The following IL24 variants were observed in gnomAD, a reference collection of about 807,000 sequenced individuals.
IL24 encodes the protein interleukin 24.
A neutral mutation model predicts 27.6 loss-of-function variants in IL24; 24 were observed. That is an observed-to-expected ratio of 0.87 (90% CI 0.63 to 1.22). IL24 has a LOEUF of 1.22. IL24 is among the 50% of genes most tolerant of loss of function. The probability of loss-of-function intolerance (pLI) is 0.00; values close to 1 mark genes in which losing one functional copy is unlikely to be tolerated. For missense variants in IL24, 240 were observed against 237.0 expected, an observed-to-expected ratio of 1.01 and a Z score of -0.08; for synonymous variants, 99 against 93.1, an observed-to-expected ratio of 1.06 and a Z score of -0.36.
At chr1:206,902,768 T>C (rs867167529) in intron 6 of IL24, 34 of 985,260 alleles carry the variant, frequency 3.5e-5, no homozygotes, top group Middle Eastern at 5.2e-4. Flanking sequence ...TCCACTGATA[T>C]TCACTAGCCT....
intron 2 of IL24, 148 bp from the exon 3 acceptor site, chr1:206,899,172 A>G: frequency 1.3e-6 from 1 of 783,522 alleles, no homozygotes; most frequent in Non-Finnish European, 2.0e-6. Context: ...ACTGCACCTT[A>G]GCAAGGCTGC....
intron 2 of IL24, among the ~76,000 whole-genome samples, chr1:206,899,104 A>G (rs978589028): frequency 6.6e-6 from 1 of 152,228 alleles, no homozygotes; most frequent in Non-Finnish European, 1.5e-5. Flanking sequence ...GCAGGTGGAC[A>G]GATGGCAAGA....
rs545446632 is a variant in IL24 at position 206,902,412 on chromosome 1, C to G, written c.537+340C>G. ...GGAGACACCCCACCCCCACCCCCAC[C>G]CCATACACATCTGCAGTATTTTCCA... On this transcript the variant is annotated intron_variant, in intron 6 of 6. Transcript: ENST00000294984. 4 of 550,494 alleles carry G rather than the reference C, an allele frequency of 7.3e-6. No individual in the cohort carries two copies. In the East Asian group the frequency reaches 5.1e-4, roughly 70 times the overall value. The allele number at this position is 550,494 out of a possible 1,614,324, so 34.1% of individuals were successfully genotyped here.
intron 4 of IL24, 98 bp downstream of exon 4, chr1:206,900,455 T>G (rs1365972737): frequency 9.2e-7 from 1 of 1,090,058 alleles, no homozygotes; most frequent in African/African-American, 1.5e-5. Flanking sequence ...GCCCTTCACT[T>G]CTTCCCTGGA....
chr1:206,897,540 CCTGT>C lies in IL24; in HGVS notation c.-175_-172del, dbSNP rs1572602332. 2.0e-5 allele frequency: 5 copies of C among 256,082 alleles called. No individual in the cohort carries two copies. In the East Asian group the frequency reaches 4.1e-4, roughly 21 times the overall value. 15.9% of individuals were successfully genotyped at this position (256,082 alleles called of 1,614,324 possible). On this transcript the variant is annotated 5_prime_UTR_variant, in exon 1 of 7. The change abolishes the stop of an existing upstream ORF in the 5' untranslated region. Coordinates refer to ENST00000294984, the MANE Select transcript of IL24 (RefSeq NM_006850.3). ...CTCTGATTGGTGAATGGTGAAGGTG[CCTGT>C]CTAACTTTTCTGTAAAAAGAACCAG...
intron 6 of IL24, 200 bp from the exon 7 acceptor site, chr1:206,902,775 GC>G: frequency 1.0e-6 from 1 of 985,368 alleles, no homozygotes; most frequent in South Asian, 4.7e-5. Flanking sequence ...ATATTCACTA[GC>G]CTGTTTGTCC....
At position 206,897,894 on chromosome 1, in the gene IL24, T is replaced by G; in HGVS notation, c.44+18T>G. 6.4e-7 allele frequency: 1 copy of G among 1,565,556 alleles called. No individual in the cohort carries two copies. Among genetic ancestry groups the G allele is most frequent in the East Asian group, 2.3e-5 (1 of 44,042 alleles). ...TTAGCCAGGTGCGGTGGCTCACACC[T>G]GTAATCCCAGAACTTTGGGAGGCTG... On this transcript the variant is annotated intron_variant, in intron 2 of 6. Coordinates refer to ENST00000294984, the MANE Select transcript of IL24 (RefSeq NM_006850.3).
chr1:206,901,462 C>A (rs759364441), intron 4 of IL24, 32 bp from the exon 5 acceptor site: 1 of 1,590,940 alleles, frequency 6.3e-7, no homozygotes, highest in Non-Finnish European at 8.6e-7. Flanking sequence ...GGGCAGAGGC[C>A]TTGGCTCAGC....
chr1:206,903,158 C>A lies in IL24; in HGVS notation c.*99C>A, dbSNP rs1678466740. Reference sequence around the variant, plus strand: ...ATGCTGTTCACTGGACACTTCACGCCCTTGGCCATGGGTCCCATTCTTGGC... The same window carrying A: ...ATGCTGTTCACTGGACACTTCACGCACTTGGCCATGGGTCCCATTCTTGGC... On this transcript the variant is annotated 3_prime_UTR_variant, in exon 7 of 7. Transcript: ENST00000294984. The A allele has an allele frequency of 1.9e-6, 2 of 1,028,986 alleles. No homozygotes were observed. The highest frequency in any genetic ancestry group is 1.3e-5 in the South Asian group (1 of 76,022). The allele number at this position is 1,028,986 out of a possible 1,614,324, so 63.7% of individuals were successfully genotyped here.
chr1:206,897,615 G>A lies in IL24; in HGVS notation c.-103G>A. On this transcript the variant is annotated splice_region_variant and 5_prime_UTR_variant, in exon 1 of 7. Coordinates refer to ENST00000294984, the MANE Select transcript of IL24 (RefSeq NM_006850.3). ...CTCAAGCATCACTTACAGGACCAGA[G>A]GTGAGCATGGGGGATTCTTGGTTAC... The A allele has an allele frequency of 2.3e-6, 1 of 428,366 alleles. No individual in the cohort carries two copies. Among genetic ancestry groups the A allele is most frequent in the Non-Finnish European group, 4.2e-6 (1 of 238,196 alleles). 26.5% of individuals were successfully genotyped at this position (428,366 alleles called of 1,614,324 possible). A position where few individuals can be genotyped will look rare whatever the true frequency, so the allele number is the denominator to read the frequency against.
rs925825321 is a variant in IL24, at chr1:206,897,605, C to T, written c.-113C>T. On this transcript the variant is annotated 5_prime_UTR_variant, in exon 1 of 7. Transcript: ENST00000294984. ...GCAGCCAGCCCTCAAGCATCACTTA[C>T]AGGACCAGAGGTGAGCATGGGGGAT... The T allele has an allele frequency of 8.2e-6, 3 of 366,466 alleles. No individual in the cohort carries two copies. Among genetic ancestry groups the T allele is most frequent in the Non-Finnish European group, 1.5e-5 (3 of 203,568 alleles). 22.7% of individuals were successfully genotyped at this position (366,466 alleles called of 1,614,324 possible).
Position 206,899,322 on chromosome 1 carries a change from C to T in IL24, c.47C>T (p.Pro16Leu), listed in dbSNP as rs201683011. 2.4e-5 allele frequency: 38 copies of T among 1,613,144 alleles called. No individual in the cohort carries two copies. The highest frequency in any genetic ancestry group is 1.1e-5 in the South Asian group (1 of 90,954). Reference protein sequence around the residue: ...RLQSLWTLARPFCPPLLATAS... With the variant: ...RLQSLWTLARLFCPPLLATAS... Reference sequence around the variant, plus strand: ...GCTGCCTCCCTTTCTTTCAGCAGACCCTTCTGCCCTCCTTTGCTGGCGACA... The same window carrying T: ...GCTGCCTCCCTTTCTTTCAGCAGACTCTTCTGCCCTCCTTTGCTGGCGACA... Residue 16 changes from proline (P) to leucine (L), a missense_variant and splice_region_variant, in exon 3 of 7, where the codon CCC becomes CTC. By Grantham distance (98) the Pro-to-Leu change is moderately conservative. Transcript: ENST00000294984.
chr1:206,897,730 G>C lies in IL24; in HGVS notation c.-102-1G>C, dbSNP rs1366235116. 2 of 1,226,206 alleles carry C rather than the reference G, an allele frequency of 1.6e-6. No homozygotes were observed. The highest frequency in any genetic ancestry group is 2.4e-6 in the Non-Finnish European group (2 of 845,542). 76.0% of individuals were successfully genotyped at this position (1,226,206 alleles called of 1,614,324 possible). A position where few individuals can be genotyped will look rare whatever the true frequency, so the allele number is the denominator to read the frequency against. ...GTCAATTTTTTTGAGTGTTGATGTAGGGACAAGACATGACTGTGATGAGGA... is the reference window on the plus strand; with the variant it reads ...GTCAATTTTTTTGAGTGTTGATGTACGGACAAGACATGACTGTGATGAGGA... On this transcript the variant is annotated splice_acceptor_variant, in intron 1 of 6. Coordinates refer to ENST00000294984, the MANE Select transcript of IL24 (RefSeq NM_006850.3). LOFTEE classifies it low-confidence loss of function (5UTR_SPLICE).
chr1:206,900,155 G>A, intron 3 of IL24, 140 bp from the exon 4 acceptor site: 1 of 756,952 alleles, frequency 1.3e-6, no homozygotes, highest in Non-Finnish European at 2.2e-6. Flanking sequence ...GTCCTTCCTG[G>A]GTCCTCTTTT....
intron 4 of IL24, among the ~76,000 whole-genome samples, chr1:206,901,098 T>A (rs1678357715): frequency 6.6e-6 from 1 of 152,232 alleles, no homozygotes; most frequent in African/African-American, 2.4e-5. Context: ...CTCAGTCATT[T>A]TCCAGCAAAC....
At chr1:206,902,951 A>G (rs141094486) in intron 6 of IL24, 25 bp from the exon 7 acceptor site, 39 of 1,614,152 alleles carry the variant, frequency 2.4e-5, no homozygotes, top group Non-Finnish European at 3.3e-5. Flanking sequence ...AACATGGCTG[A>G]CCTTCAACCC....
chr1:206,901,662 A>C lies in IL24; in HGVS notation c.462+10A>C, dbSNP rs756659803. The stretch of plus-strand genomic sequence containing the variant: ...ACAACTGCAACCCAGTGTGAGTAGC[A>C]CACGCTCTGGATACTGGCAGCTCTG... On this transcript the variant is annotated intron_variant, in intron 5 of 6. Transcript: ENST00000294984. 1.9e-6 allele frequency: 3 copies of C among 1,611,132 alleles called. No individual in the cohort carries two copies. The highest frequency in any genetic ancestry group is 1.7e-5 in the Admixed American group (1 of 59,910).
Position 206,899,423 on chromosome 1 carries a change from C to T in IL24, c.148C>T (p.Gln50Ter). 6.2e-7 allele frequency: 1 copy of T among 1,614,194 alleles called. No homozygotes were observed. Among genetic ancestry groups the T allele is most frequent in the Non-Finnish European group, 8.5e-7 (1 of 1,180,016 alleles). The change falls in exon 3 of 7, where the codon CAG becomes TAG. Residue 50 changes from glutamine (Q) to a stop codon, truncating the protein, a stop_gained. Transcript: ENST00000294984. LOFTEE classifies it high-confidence loss of function. ...LLLWSQVSGA[Q>*]GQEFHFGPCQ... ...TCTCTGGAGCCAGGTATCAGGGGCCCAGGGCCAAGAATTCCACTTTGGGCC... is the reference window on the plus strand; with the variant it reads ...TCTCTGGAGCCAGGTATCAGGGGCCTAGGGCCAAGAATTCCACTTTGGGCC...
chr1:206,900,292 A>C lies in IL24; in HGVS notation c.241-3A>C, dbSNP rs1678325694. ...GAGACGTCTTTTCTTTCTGTTTGCC[A>C]AGCAAGCTCAGGATAACATCACGAG... On this transcript the variant is annotated splice_polypyrimidine_tract_variant and splice_region_variant and intron_variant, in intron 3 of 6. Transcript: ENST00000294984. The C allele has an allele frequency of 6.2e-6, 10 of 1,613,148 alleles. No homozygotes were observed. Among genetic ancestry groups the C allele is most frequent in the Non-Finnish European group, 8.5e-6 (10 of 1,179,642 alleles).
Sources: gnomAD v4.1 joint callset for allele counts (sites outside exome capture counted in the v4.1 genomes callset) on GRCh38, gnomAD v4.1.1 for gene constraint, MANE v1.5 for transcripts, NCBI Gene and HGNC (gene_info 2026-07-23, HGNC 2026-07-21) for gene names.